KYNU: variants seen among roughly 807,000 people sequenced by gnomAD.
The protein encoded by KYNU is L-kynurenine hydrolase.
A neutral mutation model predicts 59.2 loss-of-function variants in KYNU; 54 were observed. That is an observed-to-expected ratio of 0.91 (90% CI 0.73 to 1.14). The LOEUF (loss-of-function observed/expected upper bound fraction) is 1.14, where lower values mean the gene tolerates loss of function less well. KYNU is among the 50% of genes most tolerant of loss of function. KYNU has a pLI of 0.00. For missense variants in KYNU, 567 were observed against 554.4 expected, an observed-to-expected ratio of 1.02 and a Z score of -0.23; for synonymous variants, 177 against 192.0, an observed-to-expected ratio of 0.92 and a Z score of 0.65.
At chr2:142,983,103 TGGCTG>T (rs758864432) in intron 8 of KYNU, among the ~76,000 whole-genome samples, 1,655 of 152,138 alleles carry the variant, frequency 0.011, 13 homozygotes, top group Middle Eastern at 0.02. Context: ...AGGTAGGACT[TGGCTG>T]GAGGGGTTCT....
chr2:142,887,352 G>A, intron 2 of KYNU, among the ~76,000 whole-genome samples: 1 of 152,126 alleles, frequency 6.6e-6, no homozygotes, highest in East Asian at 1.9e-4. Flanking sequence ...CTCTTAGTGG[G>A]AATGTAAAAT....
intron 2 of KYNU, among the ~76,000 whole-genome samples, chr2:142,899,752 C>A (rs1299196782): frequency 6.6e-6 from 1 of 152,196 alleles, no homozygotes; most frequent in Non-Finnish European, 1.5e-5. Flanking sequence ...AAGACACAAA[C>A]TTAACAAGGA....
At chr2:142,939,992 A>G (rs547617593) in intron 4 of KYNU, among the ~76,000 whole-genome samples, 10 of 152,290 alleles carry the variant, frequency 6.6e-5, no homozygotes, top group African/African-American at 2.4e-4. Context: ...CTCCTCCCAC[A>G]CCAGTGGATT....
intron 3 of KYNU, among the ~76,000 whole-genome samples, chr2:142,922,415 G>C (rs1682913043): frequency 6.6e-6 from 1 of 152,088 alleles, no homozygotes; most frequent in Non-Finnish European, 1.5e-5. Flanking sequence ...TGAGGTGGGA[G>C]GATCGCTTGA....
chr2:142,885,353 A>C lies in KYNU; in HGVS notation c.-15A>C, dbSNP rs764453101. On this transcript the variant is annotated 5_prime_UTR_variant, in exon 2 of 14. Coordinates refer to ENST00000264170, the MANE Select transcript of KYNU (RefSeq NM_003937.3). ...TGTTTTATTATTCTCTTTCAGTTTT[A>C]GAGAACAACTTGTAATGGAGCCTTC... 8 of 1,612,856 alleles carry C rather than the reference A, an allele frequency of 5.0e-6. No individual in the cohort carries two copies. Among genetic ancestry groups the C allele is most frequent in the Non-Finnish European group, 6.8e-6 (8 of 1,179,140 alleles).
At chr2:143,030,650 ATGC>A (rs200966488) in intron 11 of KYNU, among the ~76,000 whole-genome samples, 7 of 99,526 alleles carry the variant, frequency 7.0e-5, no homozygotes, top group South Asian at 3.1e-4. Context: ...GATGATGATG[ATGC>A]TGATTATTAT....
At position 142,954,827 on chromosome 2, in the gene KYNU, A is replaced by G. The variant is rs777899443; in HGVS notation, c.391A>G (p.Ile131Val). 7.5e-6 allele frequency: 12 copies of G among 1,601,066 alleles called. No homozygotes were observed. The highest frequency in any genetic ancestry group is 2.7e-5 in the African/African-American group (2 of 74,658). ...TTTTACAGGAGCCAATGAGAAAGAA[A>G]TAGCCCTAATGAATGCTTTGACTGT... ...KDIVGANEKE[I>V]ALMNALTVNL... The change falls in exon 5 of 14, where the codon ATA becomes GTA. Residue 131 changes from isoleucine to valine, a missense_variant. Coordinates refer to ENST00000264170, the MANE Select transcript of KYNU (RefSeq NM_003937.3).
At chr2:142,997,922 C>A (rs1444403071) in intron 10 of KYNU, among the ~76,000 whole-genome samples, 1 of 152,080 alleles carries the variant, frequency 6.6e-6, no homozygotes, top group Non-Finnish European at 1.5e-5. Context: ...TCACTAGATC[C>A]CCAGTGGCTT....
chr2:143,035,558 T>C (rs1686871644), intron 12 of KYNU, among the ~76,000 whole-genome samples: 1 of 152,224 alleles, frequency 6.6e-6, no homozygotes, highest in South Asian at 2.1e-4. Flanking sequence ...GTGAATTAAC[T>C]ATGCTTCTAT....
At chr2:142,969,437 G>C (rs560998021) in intron 8 of KYNU, among the ~76,000 whole-genome samples, 2 of 152,302 alleles carry the variant, frequency 1.3e-5, no homozygotes, top group African/African-American at 4.8e-5. Flanking sequence ...TGTTCAGACA[G>C]ATAGTGAACA....
chr2:142,946,791 T>C (rs913765123), intron 4 of KYNU, among the ~76,000 whole-genome samples: 1 of 152,210 alleles, frequency 6.6e-6, no homozygotes, highest in African/African-American at 2.4e-5. Flanking sequence ...GGTTTGTAGC[T>C]GAGACCTCCT....
At chr2:143,040,005 AG>A (rs1686990359) in intron 12 of KYNU, among the ~76,000 whole-genome samples, 1 of 152,078 alleles carries the variant, frequency 6.6e-6, no homozygotes, top group Non-Finnish European at 1.5e-5. Context: ...GCCCAGGGAA[AG>A]CCTAGGCAAA....
chr2:142,886,424 A>G (rs1279114132), intron 2 of KYNU, among the ~76,000 whole-genome samples: 1 of 152,014 alleles, frequency 6.6e-6, no homozygotes, highest in Non-Finnish European at 1.5e-5. Context: ...GTCTTCAGCT[A>G]TGTACCCAAC....
intron 2 of KYNU, among the ~76,000 whole-genome samples, chr2:142,891,223 A>T (rs1439668676): frequency 1.3e-5 from 2 of 152,230 alleles, no homozygotes; most frequent in Admixed American, 1.3e-4. Flanking sequence ...TAGTAATTGC[A>T]TATGATTACA....
intron 5 of KYNU, among the ~76,000 whole-genome samples, chr2:142,955,203 C>A (rs73963799): frequency 0.02 from 3,038 of 152,070 alleles, 117 homozygotes; most frequent in African/African-American, 0.07. Flanking sequence ...TTTGGAAAGA[C>A]AATTTTCTAA....
rs1183449289 is a variant in KYNU at position 143,043,437 on chromosome 2, T to C, written c.*1265T>C. ...GAGTGACATAATTATTGCCTCCAATTAAACAAGTTTGAATGAAATAAACAA... is the reference window on the plus strand; with the variant it reads ...GAGTGACATAATTATTGCCTCCAATCAAACAAGTTTGAATGAAATAAACAA... On this transcript the variant is annotated 3_prime_UTR_variant, in exon 14 of 14. Coordinates refer to ENST00000264170, the MANE Select transcript of KYNU (RefSeq NM_003937.3). 1 of 151,966 alleles carries C rather than the reference T, an allele frequency of 6.6e-6. No homozygotes were observed. Among genetic ancestry groups the C allele is most frequent in the African/African-American group, 2.4e-5 (1 of 41,406 alleles). The allele number at this position is 151,966 out of a possible 1,614,324, so 9.4% of individuals were successfully genotyped here. A position where few individuals can be genotyped will look rare whatever the true frequency, so the allele number is the denominator to read the frequency against.
chr2:142,936,959 T>C (rs981858513), intron 4 of KYNU, among the ~76,000 whole-genome samples: 1 of 152,156 alleles, frequency 6.6e-6, no homozygotes, highest in African/African-American at 2.4e-5. Context: ...TGGAGCAACA[T>C]GCTGTTTTAA....
intron 4 of KYNU, among the ~76,000 whole-genome samples, chr2:142,932,978 C>T (rs559516805): frequency 6.6e-6 from 1 of 152,118 alleles, no homozygotes; most frequent in African/African-American, 2.4e-5. Flanking sequence ...AGCTGGTTAG[C>T]ATAGTGATTT....
At chr2:143,025,486 G>A (rs1005950753) in intron 10 of KYNU, among the ~76,000 whole-genome samples, 2 of 152,044 alleles carry the variant, frequency 1.3e-5, no homozygotes, top group African/African-American at 4.8e-5. Flanking sequence ...TTCTTTCTAT[G>A]GATGTGCCTC....
Sources: gnomAD v4.1 joint callset for allele counts (sites outside exome capture counted in the v4.1 genomes callset) on GRCh38, gnomAD v4.1.1 for gene constraint, MANE v1.5 for transcripts, NCBI Gene and HGNC (gene_info 2026-07-23, HGNC 2026-07-21) for gene names.